Variants in PPARGC1A observed in about 807,000 individuals in gnomAD.
PPARGC1A encodes the protein PPARG coactivator 1 alpha, also known as peroxisome proliferator-activated receptor gamma coactivator 1-alpha.
In PPARGC1A, 25 loss-of-function variants were observed where a neutral mutation model predicts 88.7. That is an observed-to-expected ratio of 0.28 (90% confidence interval 0.21 to 0.39). The LOEUF (loss-of-function observed/expected upper bound fraction) is 0.39, where lower values mean the gene tolerates loss of function less well. Among genes scored for constraint, PPARGC1A ranks in the 10% least tolerant of loss-of-function variants. PPARGC1A has a pLI of 1.00. For missense variants in PPARGC1A, 880 were observed against 968.7 expected, an observed-to-expected ratio of 0.91 and a Z score of 1.22; for synonymous variants, 363 against 355.6, an observed-to-expected ratio of 1.02 and a Z score of -0.24.
the PPARGC1A span, among the ~76,000 whole-genome samples, chr4:23,960,550 ACTTGGGCAGG>A: frequency 8.7e-6 from 1 of 114,530 alleles, no homozygotes; most frequent in South Asian, 3.0e-4. Flanking sequence ...CTTGGGCAAG[ACTTGGGCAGG>A]TAAATCCTTC....
chr4:24,341,560 C>G, the PPARGC1A span, among the ~76,000 whole-genome samples: 1 of 152,064 alleles, frequency 6.6e-6, no homozygotes, highest in Non-Finnish European at 1.5e-5. Context: ...GTTAAGGATA[C>G]TTTAAGAAAA....
the PPARGC1A span, among the ~76,000 whole-genome samples, chr4:23,959,846 A>AAGGCTGCTT: frequency 6.6e-6 from 1 of 152,244 alleles, no homozygotes; most frequent in Non-Finnish European, 1.5e-5. Context: ...TGCACAAGTC[A>AAGGCTGCTT]AGGCTGCTTA....
the PPARGC1A span, among the ~76,000 whole-genome samples, chr4:24,361,664 A>G: frequency 6.6e-6 from 1 of 152,222 alleles, no homozygotes; most frequent in Non-Finnish European, 1.5e-5. Flanking sequence ...AACAGGAAAA[A>G]TCTAGTGTTA....
the PPARGC1A span, among the ~76,000 whole-genome samples, chr4:23,942,079 A>G: frequency 6.6e-6 from 1 of 152,126 alleles, no homozygotes; most frequent in Non-Finnish European, 1.5e-5. Context: ...TAGTGGGAAA[A>G]AAAAAAGAAG....
the PPARGC1A span, among the ~76,000 whole-genome samples, chr4:23,914,289 T>C: frequency 6.6e-6 from 1 of 152,242 alleles, no homozygotes; most frequent in African/African-American, 2.4e-5. Context: ...GTTAATATTT[T>C]TTAATATCCT....
the PPARGC1A span, among the ~76,000 whole-genome samples, chr4:24,425,728 T>C: frequency 2.6e-5 from 4 of 152,222 alleles, no homozygotes; most frequent in Non-Finnish European, 5.9e-5. Flanking sequence ...TATTAAGACC[T>C]TGATATCCAA....
At chr4:24,439,046 T>C in the PPARGC1A span, among the ~76,000 whole-genome samples, 1 of 151,946 alleles carries the variant, frequency 6.6e-6, no homozygotes, top group African/African-American at 2.4e-5. Flanking sequence ...ACAAAATAAA[T>C]TGACATAAAA....
intron 2 of PPARGC1A, among the ~76,000 whole-genome samples, chr4:23,853,289 T>C (rs938100715): frequency 1.3e-5 from 2 of 152,126 alleles, no homozygotes; most frequent in African/African-American, 4.8e-5. Context: ...ACATGTAAGA[T>C]AGAAACATGG....
Position 23,826,750 on chromosome 4 carries a change from G to A in PPARGC1A, c.757+1650C>T, listed in dbSNP as rs765432865. 2.6e-5 allele frequency among the ~76,000 whole-genome samples: 4 copies of A among 151,714 alleles called. No individual in the cohort carries two copies. In the South Asian group the frequency reaches 6.3e-4, roughly 24 times the overall value. ...CAACAGGTTTTGTTCTGGGGTGAGC[G>A]TTTTGTACCTTGCCACAGATATATA... On this transcript the variant is annotated intron_variant, in intron 5 of 12. Transcript: ENST00000264867.
At chr4:23,955,975 G>A in the PPARGC1A span, among the ~76,000 whole-genome samples, 4 of 152,088 alleles carry the variant, frequency 2.6e-5, no homozygotes, top group South Asian at 6.2e-4. Flanking sequence ...ACTCTGCCAT[G>A]TAAATCAAAA....
At chr4:24,384,672 C>A in the PPARGC1A span, among the ~76,000 whole-genome samples, 3 of 151,610 alleles carry the variant, frequency 2.0e-5, no homozygotes, top group Admixed American at 2.0e-4. Flanking sequence ...GTAAAGGGAT[C>A]AATGCAACAA....
At chr4:23,978,998 CA>C in the PPARGC1A span, among the ~76,000 whole-genome samples, 3 of 151,964 alleles carry the variant, frequency 2.0e-5, no homozygotes, top group African/African-American at 7.3e-5. Flanking sequence ...TAGAAAGAGA[CA>C]GGGGAAGAAA....
chr4:23,889,319 C>T, intron 1 of PPARGC1A: 1 of 985,334 alleles, frequency 1.0e-6, no homozygotes, highest in Non-Finnish European at 1.2e-6. Context: ...CCAAATCTTT[C>T]AACCACGTAT....
At chr4:24,195,035 T>C in the PPARGC1A span, among the ~76,000 whole-genome samples, 1 of 152,228 alleles carries the variant, frequency 6.6e-6, no homozygotes, top group South Asian at 2.1e-4. Context: ...AACTTGTGTA[T>C]GTATGAATAT....
At position 23,813,705 on chromosome 4, in the gene PPARGC1A, C is replaced by T; in HGVS notation, c.1778G>A (p.Ser593Asn). 2 of 1,597,366 alleles carry T rather than the reference C, an allele frequency of 1.3e-6. No homozygotes were observed. The highest frequency in any genetic ancestry group is 3.4e-5 in the Admixed American group (2 of 58,274). ...YSRSRSRSPG[S>N]RSSSRSCYYY... ...CAAGGTTTACCTTGAAGAGGATCTA[C>T]TGCCTGGAGACCTTGATCTTGACCT... is the stretch of plus-strand genomic sequence containing the variant. The change falls in exon 8 of 13, where the codon AGT becomes AAT. Residue 593 changes from serine to asparagine, a missense_variant. Coordinates refer to ENST00000264867, the MANE Select transcript of PPARGC1A (RefSeq NM_013261.5).
At chr4:24,444,124 AG>A in the PPARGC1A span, among the ~76,000 whole-genome samples, 2 of 151,228 alleles carry the variant, frequency 1.3e-5, no homozygotes, top group Non-Finnish European at 3.0e-5. Flanking sequence ...TCCGCCTCCC[AG>A]GGTTCAAGCG....
chr4:24,244,034 A>G, the PPARGC1A span, among the ~76,000 whole-genome samples: 1 of 152,196 alleles, frequency 6.6e-6, no homozygotes. Flanking sequence ...ATATTTTCAC[A>G]TTCAATAAAC....
the PPARGC1A span, among the ~76,000 whole-genome samples, chr4:24,327,872 A>C: frequency 6.6e-6 from 1 of 152,128 alleles, no homozygotes; most frequent in Admixed American, 6.5e-5. Flanking sequence ...TGTGACTTGC[A>C]CGTGTATGCC....
the PPARGC1A span, among the ~76,000 whole-genome samples, chr4:24,202,605 G>A: frequency 6.6e-6 from 1 of 152,138 alleles, no homozygotes; most frequent in Non-Finnish European, 1.5e-5. Context: ...AAGCATTGTG[G>A]CAAAAGGTTG....
Sources: gnomAD v4.1 joint callset for allele counts (sites outside exome capture counted in the v4.1 genomes callset) on GRCh38, gnomAD v4.1.1 for gene constraint, MANE v1.5 for transcripts, NCBI Gene and HGNC (gene_info 2026-07-23, HGNC 2026-07-21) for gene names.